Variants in NFIA observed in about 807,000 individuals in gnomAD.
NFIA encodes the protein nuclear factor 1 A-type.
In NFIA, 8 loss-of-function variants were observed where a neutral mutation model predicts 62.8. That is an observed-to-expected ratio of 0.13 (90% CI 0.07 to 0.23). The LOEUF is 0.23. Among genes scored for constraint, NFIA ranks in the 10% least tolerant of loss-of-function variants. The pLI, the probability that NFIA is intolerant of heterozygous loss-of-function variation, is 1.00. For missense variants in NFIA, 410 were observed against 642.1 expected (o/e 0.64, Z 3.91); for synonymous variants, 235 against 238.1 (o/e 0.99, Z 0.12).
At chr1:61,389,226 G>C (rs919606846) in intron 7 of NFIA, among the ~76,000 whole-genome samples, 3 of 152,162 alleles carry the variant, frequency 2.0e-5, no homozygotes, top group Non-Finnish European at 1.5e-5. Context: ...GTTTTTATGA[G>C]GTCACAGCAT....
intron 6 of NFIA, among the ~76,000 whole-genome samples, chr1:61,372,688 C>T (rs1189520466): frequency 1.3e-5 from 2 of 151,374 alleles, no homozygotes; most frequent in Non-Finnish European, 2.9e-5. Flanking sequence ...TTTTTGTTTG[C>T]TTTAATAGTG....
chr1:61,407,678 C>A (rs1372436514), intron 9 of NFIA, among the ~76,000 whole-genome samples: 1 of 152,044 alleles, frequency 6.6e-6, no homozygotes, highest in East Asian at 1.9e-4. Flanking sequence ...GCAGTGTGAC[C>A]CTAAGGAAAG....
At chr1:61,097,521 G>C (rs541116270) in intron 2 of NFIA, among the ~76,000 whole-genome samples, 1 of 152,272 alleles carries the variant, frequency 6.6e-6, no homozygotes, top group South Asian at 2.1e-4. Context: ...CATTCATGCT[G>C]TTGGGGAAGA....
chr1:61,305,837 CT>C (rs1370896903), intron 3 of NFIA, among the ~76,000 whole-genome samples: 2 of 148,328 alleles, frequency 1.3e-5, no homozygotes, highest in Non-Finnish European at 3.0e-5. Context: ...ACACTGTCTT[CT>C]TTTGATTTTT....
At chr1:61,415,817 A>G (rs953324868) in intron 9 of NFIA, among the ~76,000 whole-genome samples, 12 of 152,174 alleles carry the variant, frequency 7.9e-5, no homozygotes, top group Non-Finnish European at 1.6e-4. Flanking sequence ...ATATTAGTAC[A>G]TATATAAATT....
chr1:61,384,855 T>C (rs899069306), intron 7 of NFIA, among the ~76,000 whole-genome samples: 5 of 152,210 alleles, frequency 3.3e-5, no homozygotes, highest in African/African-American at 1.2e-4. Flanking sequence ...TGAGTGCCTC[T>C]ATAGACACTG....
intron 2 of NFIA, among the ~76,000 whole-genome samples, chr1:61,201,040 C>T (rs1557632774): frequency 6.6e-6 from 1 of 152,164 alleles, no homozygotes; most frequent in Non-Finnish European, 1.5e-5. Flanking sequence ...AACAACGACT[C>T]CCTCTACGTT....
intron 2 of NFIA, among the ~76,000 whole-genome samples, chr1:61,200,010 GTATATATATATATATATATA>G (rs60422302): frequency 0.043 from 2,271 of 52,696 alleles, 58 homozygotes; most frequent in Middle Eastern, 0.062. Context: ...ATATATATAT[GTATATATATATATATATATA>G]TATATATATA....
intron 10 of NFIA, among the ~76,000 whole-genome samples, chr1:61,450,700 C>T (rs1005789697): frequency 1.3e-5 from 2 of 152,128 alleles, no homozygotes; most frequent in African/African-American, 4.8e-5. Context: ...CATTAACAAC[C>T]TCCTTCCGCA....
intron 2 of NFIA, among the ~76,000 whole-genome samples, chr1:61,240,092 C>A (rs892720772): frequency 2.0e-5 from 3 of 152,060 alleles, no homozygotes; most frequent in Non-Finnish European, 4.4e-5. Flanking sequence ...TGTCTTTCTA[C>A]GTGATGTTCT....
Position 61,330,875 on chromosome 1 carries a change from C to T in NFIA, c.626-1637C>T, listed in dbSNP as rs537759312. On this transcript the variant is annotated intron_variant, in intron 3 of 10. Transcript: ENST00000403491. ...TATTGTTCTATGTGTTTTAAGTCAA[C>T]CTTAATGTACATTGTGGTTAGATTT... 7.2e-5 allele frequency among the ~76,000 whole-genome samples: 11 copies of T among 152,230 alleles called. 1 individual carries two copies. In the South Asian group the frequency reaches 2.3e-3, roughly 32 times the overall value.
At chr1:61,235,587 G>A (rs1654957633) in intron 2 of NFIA, among the ~76,000 whole-genome samples, 1 of 151,544 alleles carries the variant, frequency 6.6e-6, no homozygotes, top group South Asian at 2.1e-4. Context: ...AGGCTGAAGT[G>A]GGAGAATCAC....
chr1:61,229,586 A>G (rs1654542791), intron 2 of NFIA, among the ~76,000 whole-genome samples: 1 of 152,194 alleles, frequency 6.6e-6, no homozygotes, highest in South Asian at 2.1e-4. Context: ...TTGAATGCCT[A>G]CTATGCTAGG....
intron 3 of NFIA, among the ~76,000 whole-genome samples, chr1:61,301,896 G>T (rs929750480): frequency 6.6e-6 from 1 of 152,174 alleles, no homozygotes; most frequent in Non-Finnish European, 1.5e-5. Context: ...AAACAACAAT[G>T]CTGTTTCCTA....
intron 7 of NFIA, among the ~76,000 whole-genome samples, chr1:61,391,435 AACACACACACACACACACACAC>A (rs60938787): frequency 0.014 from 1,740 of 124,680 alleles, 31 homozygotes; most frequent in African/African-American, 0.049. Flanking sequence ...TTATGAATCA[AACACACACACACACACACACAC>A]ACACACACAC....
intron 3 of NFIA, among the ~76,000 whole-genome samples, chr1:61,328,340 A>G (rs188593540): frequency 1.2e-4 from 19 of 152,034 alleles, no homozygotes; most frequent in Admixed American, 9.8e-4. Context: ...TATCTTTCAG[A>G]TATCAGCTCT....
At chr1:61,201,286 C>G (rs1339379940) in intron 2 of NFIA, among the ~76,000 whole-genome samples, 2 of 152,174 alleles carry the variant, frequency 1.3e-5, no homozygotes, top group African/African-American at 2.4e-5. Context: ...CTCTATAGCA[C>G]ACTTCCTTGA....
upstream of NFIA, among the ~76,000 whole-genome samples, chr1:61,081,097 C>T (rs1646088518): frequency 6.6e-6 from 1 of 152,098 alleles, no homozygotes; most frequent in African/African-American, 2.4e-5. Context: ...CAACATGATA[C>T]CTACCTCTTT....
chr1:61,323,251 C>T (rs555552280), intron 3 of NFIA, among the ~76,000 whole-genome samples: 1 of 152,326 alleles, frequency 6.6e-6, no homozygotes, highest in Admixed American at 6.5e-5. Context: ...TCCATGTATT[C>T]ATCTGAGAAT....
Sources: gnomAD v4.1 joint callset for allele counts (sites outside exome capture counted in the v4.1 genomes callset) on GRCh38, gnomAD v4.1.1 for gene constraint, MANE v1.5 for transcripts, NCBI Gene and HGNC (gene_info 2026-07-23, HGNC 2026-07-21) for gene names.